ATAD2B: variants seen among roughly 807,000 people sequenced by gnomAD.
ATAD2B encodes ATPase family AAA domain-containing protein 2B.
Under a neutral mutation model 167.6 loss-of-function variants are expected in ATAD2B, and 40 were observed. The observed-to-expected ratio is 0.24, with a 90% CI of 0.19 to 0.31. The LOEUF (loss-of-function observed/expected upper bound fraction) is 0.31. ATAD2B is among the 10% of genes least tolerant of loss of function. The pLI, the probability that ATAD2B is intolerant of heterozygous loss-of-function variation, is 1.00. For missense variants in ATAD2B, 1,242 were observed against 1,757.2 expected (o/e 0.71, Z 5.24); for synonymous variants, 579 against 596.5 (o/e 0.97, Z 0.43).
At chr2:23,839,813 A>T (rs930793582) in intron 13 of ATAD2B, among the ~76,000 whole-genome samples, 5 of 152,248 alleles carry the variant, frequency 3.3e-5, no homozygotes, top group Admixed American at 6.5e-5. Flanking sequence ...CCATCACCAC[A>T]ACTAAAATAA....
intron 23 of ATAD2B, among the ~76,000 whole-genome samples, chr2:23,763,844 T>C (rs1677064815): frequency 1.3e-5 from 2 of 152,182 alleles, no homozygotes; most frequent in Admixed American, 6.6e-5. Flanking sequence ...CTCCAACCTC[T>C]GCCACCCAAA....
rs183411057 is a variant in ATAD2B, at chr2:23,760,427, G to A, written c.3394+1782C>T. Reference sequence around the variant, plus strand: ...TGTACTTCCAGCACTTTGGGAGGCCGAGGCTGACGGATCACTTGAAGTCAG... The same window carrying A: ...TGTACTTCCAGCACTTTGGGAGGCCAAGGCTGACGGATCACTTGAAGTCAG... On this transcript the variant is annotated intron_variant, in intron 24 of 27. Transcript: ENST00000238789. Among the ~76,000 whole-genome samples, 1,179 of 152,090 alleles carry A rather than the reference G, an allele frequency of 7.8e-3. 6 individuals carry two copies. The highest frequency in any genetic ancestry group is 0.022 in the South Asian group (108 of 4,802).
intron 1 of ATAD2B, among the ~76,000 whole-genome samples, chr2:23,898,001 T>A (rs1040210801): frequency 6.6e-6 from 1 of 152,286 alleles, no homozygotes; most frequent in Middle Eastern, 3.4e-3. Flanking sequence ...AGAGTCTCAA[T>A]CTATGTGATC....
chr2:23,737,501 G>T, the ATAD2B span, among the ~76,000 whole-genome samples: 3 of 152,172 alleles, frequency 2.0e-5, no homozygotes, highest in African/African-American at 7.2e-5. Flanking sequence ...CTGTTAGAAG[G>T]AAAACTAACA....
At position 23,788,217 on chromosome 2, in the gene ATAD2B, G is replaced by A. The variant is rs113938201; in HGVS notation, c.2776+295C>T. 587 of 311,466 alleles carry A rather than the reference G, an allele frequency of 1.9e-3. 8 individuals carry two copies. Among genetic ancestry groups the A allele is most frequent in the Middle Eastern group, 3.9e-3 (4 of 1,018 alleles). The allele number at this position is 311,466 out of a possible 1,614,324, so 19.3% of individuals were successfully genotyped here. ...GGGTACTTACTGTGACTAAAACAGA[G>A]GAGAACTGAAGACTTTTTTCTATGA... On this transcript the variant is annotated intron_variant, in intron 20 of 27. Transcript: ENST00000238789.
downstream of ATAD2B, among the ~76,000 whole-genome samples, chr2:23,744,762 C>CA (rs1177110027): frequency 6.6e-6 from 1 of 152,164 alleles, no homozygotes; most frequent in Non-Finnish European, 1.5e-5. Context: ...ATTTAAAACA[C>CA]AGACAGGATA....
At chr2:23,919,102 G>A (rs1442611391) in intron 1 of ATAD2B, among the ~76,000 whole-genome samples, 1 of 152,066 alleles carries the variant, frequency 6.6e-6, no homozygotes, top group East Asian at 1.9e-4. Context: ...TAACACTTTG[G>A]AAGGCCAAGG....
At chr2:23,823,611 A>G in intron 15 of ATAD2B, 42 bp from the exon 16 acceptor site, 1 of 1,536,726 alleles carries the variant, frequency 6.5e-7, no homozygotes, top group Admixed American at 1.7e-5. Flanking sequence ...TACATTCATT[A>G]TTCCATGCAC....
intron 7 of ATAD2B, 104 bp from the exon 8 acceptor site, chr2:23,876,008 T>C: frequency 1.1e-6 from 1 of 880,094 alleles, no homozygotes; most frequent in Non-Finnish European, 1.8e-6. Flanking sequence ...TTGTTGTTGT[T>C]TTTTGAGACA....
At chr2:23,693,736 G>T in the ATAD2B span, among the ~76,000 whole-genome samples, 3 of 152,202 alleles carry the variant, frequency 2.0e-5, no homozygotes, top group Non-Finnish European at 4.4e-5. Context: ...GACCCAAGTC[G>T]GCCAAGAGCC....
chr2:23,690,596 C>T, the ATAD2B span: 4 of 152,188 alleles, frequency 2.6e-5, 1 homozygote, highest in African/African-American at 9.7e-5. Context: ...AGGCCCAGCC[C>T]GAGGCAGGAC....
chr2:23,723,643 G>C, the ATAD2B span, among the ~76,000 whole-genome samples: 201 of 152,236 alleles, frequency 1.3e-3, 4 homozygotes, highest in East Asian at 0.035. Context: ...TAGAGAAAAG[G>C]GAATTCTTAC....
In ATAD2B at chr2:23,832,613, C is replaced by T. The variant is rs80216900; in HGVS notation, c.1728+1306G>A. On this transcript the variant is annotated intron_variant, in intron 14 of 27. Coordinates refer to ENST00000238789, the MANE Select transcript of ATAD2B (RefSeq NM_017552.4). ...GAACAATGCCAAAATAGAACGTTTCCATCATCACAGAAAATTCTATTAGAC... is the reference window on the plus strand; with the variant it reads ...GAACAATGCCAAAATAGAACGTTTCTATCATCACAGAAAATTCTATTAGAC... The T allele has an allele frequency of 5.2e-3, 842 of 162,612 alleles. 5 individuals are homozygous for T. The highest frequency in any genetic ancestry group is 0.019 in the African/African-American group (785 of 41,634). The allele number at this position is 162,612 out of a possible 1,614,324, so 10.1% of individuals were successfully genotyped here. A position where few individuals can be genotyped will look rare whatever the true frequency, so the allele number is the denominator to read the frequency against.
intron 22 of ATAD2B, among the ~76,000 whole-genome samples, chr2:23,771,201 T>G (rs543567489): frequency 9.8e-5 from 15 of 152,362 alleles, no homozygotes; most frequent in Middle Eastern, 3.4e-3. Context: ...TCTTTAAATA[T>G]TCCATAGGAT....
chr2:23,859,342 C>G (rs1693967435), intron 12 of ATAD2B, among the ~76,000 whole-genome samples: 1 of 152,020 alleles, frequency 6.6e-6, no homozygotes, highest in Admixed American at 6.6e-5. Flanking sequence ...CAAGGTCTCA[C>G]TCTCTCACCC....
At position 23,762,190 on chromosome 2, in the gene ATAD2B, CA is replaced by C. The variant is rs1558496302; in HGVS notation, c.3394+18del. ...CTCAGTTGTTCTCACTACTGGATAA[CA>C]TGAGCTGAAATACTCACATGCACAT... On this transcript the variant is annotated intron_variant, in intron 24 of 27. Transcript: ENST00000238789. 1 of 1,612,078 alleles carries C rather than the reference CA, an allele frequency of 6.2e-7. No individual in the cohort carries two copies. Among genetic ancestry groups the C allele is most frequent in the East Asian group, 2.2e-5 (1 of 44,806 alleles).
chr2:23,863,447 T>G lies in ATAD2B; in HGVS notation c.1413A>C (p.Lys471Asn). The change falls in exon 12 of 28, where the codon AAA (lysine) becomes AAC (asparagine). Residue 471 changes from lysine to asparagine, a missense_variant. This residue lies in a region of ATAD2B where 151 missense variants were observed against 284.1 expected (regional missense o/e 0.53). Coordinates refer to ENST00000238789, the MANE Select transcript of ATAD2B (RefSeq NM_017552.4). ...GDKKVAFFMR[K>N]GADCLSKWVG... ...CCCACTTGCTCAAACAATCTGCTCC[T>G]TTTCGCATAAAAAAAGCCACTTTTT... is the stretch of plus-strand genomic sequence containing the variant. 6.4e-7 allele frequency: 1 copy of G among 1,552,780 alleles called. No homozygotes were observed.
chr2:23,831,439 G>A (rs1689061916), intron 14 of ATAD2B, among the ~76,000 whole-genome samples: 1 of 152,068 alleles, frequency 6.6e-6, no homozygotes, highest in African/African-American at 2.4e-5. Context: ...CCAAACCATA[G>A]GACTGAGACA....
At chr2:23,856,266 A>G (rs576678898) in intron 13 of ATAD2B, 100 of 186,514 alleles carry the variant, frequency 5.4e-4, no homozygotes, top group Non-Finnish European at 1.1e-3. Flanking sequence ...TATTTGCATT[A>G]TATTTACCAG....
Sources: allele counts gnomAD v4.1 joint callset (sites outside exome capture counted in the v4.1 genomes callset), GRCh38; gene constraint gnomAD v4.1.1; regional missense constraint gnomAD v4.1.1; transcripts MANE v1.5; gene names NCBI Gene and HGNC (gene_info 2026-07-23, HGNC 2026-07-21).